Variants in JAK1 observed in about 807,000 individuals in gnomAD.
JAK1 encodes tyrosine-protein kinase JAK1.
A neutral mutation model predicts 136.6 loss-of-function variants in JAK1; 16 were observed. The observed-to-expected ratio is 0.12, with a 90% CI of 0.08 to 0.18. JAK1 has a LOEUF of 0.18. Among genes scored for constraint, JAK1 ranks in the 10% least tolerant of loss-of-function variants. The probability of loss-of-function intolerance (pLI) is 1.00; values close to 1 mark genes in which losing one functional copy is unlikely to be tolerated. For missense variants in JAK1, 859 were observed against 1,450.1 expected (o/e 0.59, Z 6.62); for synonymous variants, 492 against 519.5 (o/e 0.95, Z 0.72).
At chr1:64,998,032 A>T (rs1382519795) in intron 2 of JAK1, among the ~76,000 whole-genome samples, 1 of 152,246 alleles carries the variant, frequency 6.6e-6, no homozygotes, top group African/African-American at 2.4e-5. Flanking sequence ...GAACAAAAAG[A>T]TAGAAATTAA....
intron 2 of JAK1, among the ~76,000 whole-genome samples, chr1:64,976,877 C>T (rs1437966565): frequency 2.6e-5 from 4 of 152,132 alleles, no homozygotes. Context: ...GATAAGTTTA[C>T]CCTCATTCTC....
chr1:64,985,429 T>C lies in JAK1; in HGVS notation c.-78+59051A>G. On this transcript the variant is annotated intron_variant, in intron 2 of 25. Transcript: ENST00000671954. The stretch of plus-strand genomic sequence containing the variant: ...CCCCACAACCACTGGAGGATCTCCT[T>C]AGCATTCTCCTCTTCTTTTCTGTTA... 6 of 1,608,476 alleles carry C rather than the reference T, an allele frequency of 3.7e-6. No homozygotes were observed. The East Asian group carries it at 1.3e-4, about 36-fold the overall frequency.
intron 1 of JAK1, among the ~76,000 whole-genome samples, chr1:65,054,710 A>G (rs1647450411): frequency 6.6e-6 from 1 of 152,186 alleles, no homozygotes; most frequent in African/African-American, 2.4e-5. Flanking sequence ...AGCCAGCAAG[A>G]GATGCCACAT....
chr1:64,893,757 C>T (rs1471677592), intron 1 of JAK1, among the ~76,000 whole-genome samples: 1 of 152,192 alleles, frequency 6.6e-6, no homozygotes, highest in Non-Finnish European at 1.5e-5. Context: ...CCATTTTGTA[C>T]TGCACCTAAC....
At chr1:64,977,045 A>AAAT (rs1435547135) in intron 2 of JAK1, among the ~76,000 whole-genome samples, 1 of 152,248 alleles carries the variant, frequency 6.6e-6, no homozygotes, top group African/African-American at 2.4e-5. Context: ...GTTCAGAATC[A>AAAT]AATTTTAATC....
At chr1:65,021,030 G>A (rs368558496) in intron 2 of JAK1, among the ~76,000 whole-genome samples, 4 of 152,262 alleles carry the variant, frequency 2.6e-5, no homozygotes, top group East Asian at 3.9e-4. Flanking sequence ...TAAATACCCT[G>A]ATTTTGCTCC....
Position 64,838,048 on chromosome 1 carries a change from A to G in JAK1, c.3024T>C (p.Asn1008=), listed in dbSNP as rs1016057068. 4 of 1,614,090 alleles carry G rather than the reference A, an allele frequency of 2.5e-6. No individual in the cohort carries two copies. The African/African-American group carries it at 4.0e-5, about 16-fold the overall frequency. Residue 1008 remains asparagine (N), a synonymous_variant, in exon 22 of 25, where the codon AAT becomes AAC. Coordinates refer to ENST00000342505, the MANE Select transcript of JAK1 (RefSeq NM_002227.4). The part of the protein sequence containing the change: ...QYVHRDLAAR[N]VLVESEHQVK... ...CTTGGTGTTCACTCTCAACAAGGAC[A>G]TTTCTTGCTGCCAAGTCCCGGTGAA...
At position 64,846,643 on chromosome 1, in the gene JAK1, A is replaced by G. The variant is rs1169485233; in HGVS notation, c.1987+6T>C. 1 of 1,611,238 alleles carries G rather than the reference A, an allele frequency of 6.2e-7. No homozygotes were observed. Among genetic ancestry groups the G allele is most frequent in the Admixed American group, 1.7e-5 (1 of 59,972 alleles). ...CACCCACCCCTTTGAAAGAGAACAC[A>G]CTTACTCTCCACGTCGCGGACACAG... On this transcript the variant is annotated splice_donor_region_variant and intron_variant, in intron 14 of 24. Transcript: ENST00000342505.
chr1:65,050,220 G>C (rs1456109194), intron 1 of JAK1, among the ~76,000 whole-genome samples: 1 of 152,120 alleles, frequency 6.6e-6, no homozygotes, highest in Non-Finnish European at 1.5e-5. Flanking sequence ...CACAACAATG[G>C]GTAGAGCCAT....
intron 2 of JAK1, among the ~76,000 whole-genome samples, chr1:64,989,161 C>G (rs1557745693): frequency 6.7e-6 from 1 of 148,992 alleles, no homozygotes; most frequent in African/African-American, 2.4e-5. Context: ...CCCATCTCTA[C>G]TAAAAATACA....
rs796534636 is a variant in JAK1 at position 64,861,384 on chromosome 1, G to T, written c.1177-1122C>A. On this transcript the variant is annotated intron_variant, in intron 8 of 24. Coordinates refer to ENST00000342505, the MANE Select transcript of JAK1 (RefSeq NM_002227.4). The stretch of plus-strand genomic sequence containing the variant: ...CACCTGTGGAGAAGAGGAGGGAGGG[G>T]ATTTCCATCAAGGAAGGTGTTCTGA... Among the ~76,000 whole-genome samples the T allele has an allele frequency of 2.0e-5, 3 of 152,078 alleles. No homozygotes were observed. The South Asian group carries it at 6.2e-4, about 31-fold the overall frequency.
At chr1:64,878,587 A>ATATATATC (rs1644717896) in intron 4 of JAK1, among the ~76,000 whole-genome samples, 1 of 62,364 alleles carries the variant, frequency 1.6e-5, no homozygotes, top group Non-Finnish European at 3.0e-5. Context: ...ATATATATAT[A>ATATATATC]TATATATATA....
chr1:64,859,649 T>A (rs534914596), intron 9 of JAK1: 1 of 152,464 alleles, frequency 6.6e-6, no homozygotes, highest in East Asian at 1.9e-4. Flanking sequence ...TTCTTTTATA[T>A]ATTTTAGAGA....
rs535807786 is a variant in JAK1, at chr1:64,912,586, C to T, written c.-77-26245G>A. Among the ~76,000 whole-genome samples the T allele has an allele frequency of 5.9e-5, 9 of 152,342 alleles. No individual in the cohort carries two copies. In the South Asian group the frequency reaches 1.9e-3, roughly 32 times the overall value. On this transcript the variant is annotated intron_variant, in intron 1 of 24. Transcript: ENST00000342505. Reference sequence around the variant, plus strand: ...TATTTGCTAAGCACTTACTATGCCACTAACAATGCTAATCACTCTACATGA... The same window carrying T: ...TATTTGCTAAGCACTTACTATGCCATTAACAATGCTAATCACTCTACATGA...
At chr1:64,998,391 T>C (rs1269664126) in intron 2 of JAK1, among the ~76,000 whole-genome samples, 1 of 152,216 alleles carries the variant, frequency 6.6e-6, no homozygotes, top group African/African-American at 2.4e-5. Context: ...TCCAGAAAAA[T>C]GTCTTTCATT....
chr1:64,933,777 A>G (rs1397794916), intron 1 of JAK1, among the ~76,000 whole-genome samples: 1 of 152,148 alleles, frequency 6.6e-6, no homozygotes, highest in Non-Finnish European at 1.5e-5. Flanking sequence ...AATGCAATCT[A>G]TTTGCCTCAC....
chr1:65,021,766 T>C (rs1160960844), intron 2 of JAK1, among the ~76,000 whole-genome samples: 1 of 152,202 alleles, frequency 6.6e-6, no homozygotes, highest in African/African-American at 2.4e-5. Context: ...GGGTAAGACT[T>C]AGCTTCCATT....
chr1:65,008,651 C>T (rs1225010740), intron 2 of JAK1, among the ~76,000 whole-genome samples: 1 of 151,242 alleles, frequency 6.6e-6, no homozygotes, highest in African/African-American at 2.4e-5. Flanking sequence ...CCTTCGCCTT[C>T]CTCTTCCCCT....
At chr1:64,888,906 T>C (rs1266849506) in intron 1 of JAK1, among the ~76,000 whole-genome samples, 1 of 152,218 alleles carries the variant, frequency 6.6e-6, no homozygotes, top group Non-Finnish European at 1.5e-5. Context: ...ATTCTGATGA[T>C]AAAAATAGAA....
Sources: gnomAD v4.1 joint callset for allele counts (sites outside exome capture counted in the v4.1 genomes callset) on GRCh38, gnomAD v4.1.1 for gene constraint, MANE v1.5 for transcripts, NCBI Gene and HGNC (gene_info 2026-07-23, HGNC 2026-07-21) for gene names.